ASS1: variants seen among roughly 807,000 people sequenced by gnomAD.
ASS1 encodes the protein argininosuccinate synthase.
In ASS1, 58 loss-of-function variants were observed where a neutral mutation model predicts 60.5. The ratio of observed to expected loss-of-function variants is 0.96; its 90% CI spans 0.78 to 1.19. The LOEUF (loss-of-function observed/expected upper bound fraction) is 1.19. ASS1 is among the 50% of genes most tolerant of loss of function. ASS1 has a pLI of 0.00. For missense variants in ASS1, 454 were observed against 547.3 expected, an observed-to-expected ratio of 0.83 and a Z score of 1.70; for synonymous variants, 200 against 206.9, an observed-to-expected ratio of 0.97 and a Z score of 0.29.
intron 5 of ASS1, among the ~76,000 whole-genome samples, chr9:130,465,426 A>G (rs1845713781): frequency 6.6e-6 from 1 of 152,268 alleles, no homozygotes; most frequent in South Asian, 2.1e-4. Flanking sequence ...CCTATAATCA[A>G]TGTAAAAAAA....
chr9:130,486,212 T>G (rs1846303846), intron 11 of ASS1, among the ~76,000 whole-genome samples: 1 of 152,094 alleles, frequency 6.6e-6, no homozygotes, highest in Non-Finnish European at 1.5e-5. Context: ...CCTCCCACCT[T>G]GGCGTAGTAG....
chr9:130,479,394 A>G (rs72763014), intron 9 of ASS1, among the ~76,000 whole-genome samples: 1 of 152,274 alleles, frequency 6.6e-6, no homozygotes, highest in Non-Finnish European at 1.5e-5. Context: ...CCGGCGTAAG[A>G]CAATGGTGGA....
chr9:130,477,379 A>G lies in ASS1; in HGVS notation c.688+418A>G, dbSNP rs1274244198. 6.6e-6 allele frequency among the ~76,000 whole-genome samples: 1 copy of G among 152,178 alleles called. No individual in the cohort carries two copies. ...CCCTGACCCCGGAAGGTGCTCAGTA[A>G]ACGGTGAGTGTTGGCGAGCTGGCCT... On this transcript the variant is annotated intron_variant, in intron 9 of 14. Transcript: ENST00000352480. The surrounding 1 kb of genome is among the most constrained non-coding windows in gnomAD (Gnocchi z 4.2).
At position 130,491,647 on chromosome 9, in the gene ASS1, G is replaced by A. The variant is rs1332763130; in HGVS notation, c.970+2183G>A. On this transcript the variant is annotated intron_variant, in intron 12 of 14. Transcript: ENST00000352480. This position sits in a 1 kb window ranked among gnomAD's most constrained non-coding sequence, Gnocchi z 5.3. Reference sequence around the variant, plus strand: ...AACCCTGGGTGTAGGGCACAGTTTGGCTCCTGGCTGCGGTCACGATGCCTC... The same window carrying A: ...AACCCTGGGTGTAGGGCACAGTTTGACTCCTGGCTGCGGTCACGATGCCTC... 1.3e-5 allele frequency among the ~76,000 whole-genome samples: 2 copies of A among 152,294 alleles called. No homozygotes were observed. The highest frequency in any genetic ancestry group is 1.5e-5 in the Non-Finnish European group (1 of 68,014).
rs1178730345 is a variant in ASS1 at position 130,477,123 on chromosome 9, G to A, written c.688+162G>A. On this transcript the variant is annotated intron_variant, in intron 9 of 14. Transcript: ENST00000352480. The surrounding 1 kb of genome is among the most constrained non-coding windows in gnomAD (Gnocchi z 4.2). ...AAGGTAACGCACAGCCCACCTCCCTGGACAGTACAACCCATGGACCATGGA... is the reference window on the plus strand; with the variant it reads ...AAGGTAACGCACAGCCCACCTCCCTAGACAGTACAACCCATGGACCATGGA... Among the ~76,000 whole-genome samples the A allele has an allele frequency of 6.6e-6, 1 of 152,124 alleles. No individual in the cohort carries two copies. Among genetic ancestry groups the A allele is most frequent in the Non-Finnish European group, 1.5e-5 (1 of 68,030 alleles).
At chr9:130,464,083 C>T (rs1387342996) in intron 4 of ASS1, 28 bp from the exon 5 acceptor site, 5 of 1,613,896 alleles carry the variant, frequency 3.1e-6, no homozygotes, top group South Asian at 2.2e-5. Flanking sequence ...TCCTGTGGCT[C>T]CTGACAGCCC....
At position 130,488,522 on chromosome 9, in the gene ASS1, C is replaced by A. The variant is rs1846362910; in HGVS notation, c.839-811C>A. On this transcript the variant is annotated intron_variant, in intron 11 of 14. Coordinates refer to ENST00000352480, the MANE Select transcript of ASS1 (RefSeq NM_054012.4). This position sits in a 1 kb window ranked among gnomAD's most constrained non-coding sequence, Gnocchi z 5.2. Reference sequence around the variant, plus strand: ...ATGCAGTAGGACCTTCCCCCAGACCCAGCTCAGCCCAAGACCAGGCATTTC... The same window carrying A: ...ATGCAGTAGGACCTTCCCCCAGACCAAGCTCAGCCCAAGACCAGGCATTTC... Among the ~76,000 whole-genome samples the A allele has an allele frequency of 6.6e-6, 1 of 152,226 alleles. No individual in the cohort carries two copies. Among genetic ancestry groups the A allele is most frequent in the Non-Finnish European group, 1.5e-5 (1 of 68,042 alleles).
chr9:130,486,491 G>A (rs1009963347), intron 11 of ASS1, among the ~76,000 whole-genome samples: 11 of 152,032 alleles, frequency 7.2e-5, no homozygotes, highest in African/African-American at 2.4e-4. Context: ...ACCCCTTCCT[G>A]GTTTGTGGCT....
At position 130,476,990 on chromosome 9, in the gene ASS1, G is replaced by T. The variant is rs777579815; in HGVS notation, c.688+29G>T. 5 of 1,603,650 alleles carry T rather than the reference G, an allele frequency of 3.1e-6. No homozygotes were observed. In the East Asian group the frequency reaches 1.1e-4, roughly 36 times the overall value. Reference sequence around the variant, plus strand: ...TGTGCCCACCTGTTGGGACTCGAAGGGGGTTGACTTTTGGGGCCCTGGCTC... The same window carrying T: ...TGTGCCCACCTGTTGGGACTCGAAGTGGGTTGACTTTTGGGGCCCTGGCTC... On this transcript the variant is annotated intron_variant, in intron 9 of 14. Coordinates refer to ENST00000352480, the MANE Select transcript of ASS1 (RefSeq NM_054012.4). The surrounding 1 kb of genome is among the most constrained non-coding windows in gnomAD (Gnocchi z 4.9).
In ASS1 at chr9:130,471,522, C is replaced by T; in HGVS notation, c.597+7C>T. ...AATCCTGGAGAACCCCAAGGTAATC[C>T]CCCAAACCCCATCTCCTCCCAGCTG... On this transcript the variant is annotated splice_region_variant and intron_variant, in intron 8 of 14. Coordinates refer to ENST00000352480, the MANE Select transcript of ASS1 (RefSeq NM_054012.4). The T allele has an allele frequency of 6.2e-7, 1 of 1,613,822 alleles. No individual in the cohort carries two copies. The highest frequency in any genetic ancestry group is 8.5e-7 in the Non-Finnish European group (1 of 1,179,746).
chr9:130,475,938 T>C (rs1846005634), intron 8 of ASS1, among the ~76,000 whole-genome samples: 1 of 152,052 alleles, frequency 6.6e-6, no homozygotes, highest in Non-Finnish European at 1.5e-5. Flanking sequence ...TTTTGTATTT[T>C]AGTAGAGATG....
intron 8 of ASS1, among the ~76,000 whole-genome samples, chr9:130,473,298 C>T (rs1041237347): frequency 9.2e-5 from 14 of 152,186 alleles, no homozygotes; most frequent in South Asian, 4.1e-4. Context: ...GCATCTAAAG[C>T]GCTTGGCCTG....
intron 12 of ASS1, among the ~76,000 whole-genome samples, chr9:130,490,217 TC>T (rs1368846891): frequency 1.3e-5 from 2 of 152,186 alleles, no homozygotes; most frequent in African/African-American, 4.8e-5. Flanking sequence ...GTAACAGAGG[TC>T]CCCAAACTAC....
At chr9:130,487,615 C>T (rs1450977531) in intron 11 of ASS1, among the ~76,000 whole-genome samples, 1 of 152,076 alleles carries the variant, frequency 6.6e-6, no homozygotes, top group Admixed American at 6.6e-5. Context: ...CCCCTGGCAG[C>T]CACCATTTCT....
rs539578477 is a variant in ASS1, at chr9:130,481,614, G to A, written c.838+1165G>A. On this transcript the variant is annotated intron_variant, in intron 11 of 14. Coordinates refer to ENST00000352480, the MANE Select transcript of ASS1 (RefSeq NM_054012.4). ...TTGCCCTGCCTTGCCCAACAACCTT[G>A]GACTTGTCATCTATCGCTAGGCCTC... Among the ~76,000 whole-genome samples the A allele has an allele frequency of 5.6e-4, 85 of 152,296 alleles. 1 individual carries two copies. The highest frequency in any genetic ancestry group is 2.0e-3 in the African/African-American group (83 of 41,568).
In ASS1 at chr9:130,501,119, C is replaced by G; in HGVS notation, c.*98C>G. 2.1e-6 allele frequency: 3 copies of G among 1,395,798 alleles called. No individual in the cohort carries two copies. Among genetic ancestry groups the G allele is most frequent in the Admixed American group, 3.4e-5 (2 of 59,360 alleles). 86.5% of individuals were successfully genotyped at this position (1,395,798 alleles called of 1,614,324 possible). A position where few individuals can be genotyped will look rare whatever the true frequency, so the allele number is the denominator to read the frequency against. ...TAATTTGTAATTGTGACTTGTTCTC[C>G]CCGGCTGGCAGCGTAGTGGGGCTGC... On this transcript the variant is annotated 3_prime_UTR_variant, in exon 15 of 15. Transcript: ENST00000352480.
chr9:130,499,143 C>T (rs953299543), intron 13 of ASS1, among the ~76,000 whole-genome samples: 2 of 152,176 alleles, frequency 1.3e-5, no homozygotes, highest in South Asian at 2.1e-4. Context: ...CCACACAGTC[C>T]CAAGGGCACA....
chr9:130,478,762 G>A lies in ASS1; in HGVS notation c.689-954G>A, dbSNP rs1376980769. ...TGAGAGGGGCTTAAGGTTCATTATT[G>A]GGCAGACTTACATTTAATAGCAATT... On this transcript the variant is annotated intron_variant, in intron 9 of 14. Coordinates refer to ENST00000352480, the MANE Select transcript of ASS1 (RefSeq NM_054012.4). This position sits in a 1 kb window ranked among gnomAD's most constrained non-coding sequence, Gnocchi z 4.7. Among the ~76,000 whole-genome samples, 1 of 152,104 alleles carries A rather than the reference G, an allele frequency of 6.6e-6. No individual in the cohort carries two copies. Among genetic ancestry groups the A allele is most frequent in the Admixed American group, 6.5e-5 (1 of 15,272 alleles).
In ASS1 at chr9:130,488,599, G is replaced by A. The variant is rs1215778178; in HGVS notation, c.839-734G>A. Reference sequence around the variant, plus strand: ...AAGCAGGTTGTTTTCCAAATGGAGGGACTGGGCCTGAGGTCACAAGAGGGG... The same window carrying A: ...AAGCAGGTTGTTTTCCAAATGGAGGAACTGGGCCTGAGGTCACAAGAGGGG... On this transcript the variant is annotated intron_variant, in intron 11 of 14. Transcript: ENST00000352480. This position sits in a 1 kb window ranked among gnomAD's most constrained non-coding sequence, Gnocchi z 5.2. 6.6e-6 allele frequency among the ~76,000 whole-genome samples: 1 copy of A among 152,248 alleles called. No individual in the cohort carries two copies. The highest frequency in any genetic ancestry group is 2.4e-5 in the African/African-American group (1 of 41,462).
Sources: gnomAD v4.1 joint callset for allele counts (sites outside exome capture counted in the v4.1 genomes callset) on GRCh38, gnomAD v4.1.1 for gene constraint, Gnocchi (gnomAD v3.1) non-coding constraint, MANE v1.5 for transcripts, NCBI Gene and HGNC (gene_info 2026-07-23, HGNC 2026-07-21) for gene names.